SSX3: variants seen among roughly 807,000 people sequenced by gnomAD.
SSX3 encodes the protein SSX family member 3, also known as protein SSX3.
In SSX3, 6 loss-of-function variants were observed where a neutral mutation model predicts 14.8. The observed-to-expected ratio is 0.41, with a 90% CI of 0.22 to 0.80. The LOEUF is 0.80. Ranked by LOEUF, SSX3 falls within the 30% of genes least tolerant of loss-of-function variation. The probability of loss-of-function intolerance (pLI) is 0.34; values close to 1 mark genes in which losing one functional copy is unlikely to be tolerated. For missense variants in SSX3, 163 were observed against 152.2 expected (o/e 1.07, Z -0.37); for synonymous variants, 55 against 52.9 (o/e 1.04, Z -0.18).
chrX:48,347,760 T>A (rs1276128747), intron 6 of SSX3, among the ~76,000 whole-genome samples, 156 bp from the exon 7 acceptor site: 1 of 112,204 alleles, frequency 8.9e-6, no homozygotes, highest in Non-Finnish European at 1.9e-5. Context: ...GGCTGAGACC[T>A]TAGACCCACA....
chrX:48,354,740 C>G lies in SSX3; in HGVS notation c.76G>C (p.Asp26His). 1 of 1,195,474 alleles carries G rather than the reference C, an allele frequency of 8.4e-7. No homozygotes were observed. The highest frequency in any genetic ancestry group is 1.1e-6 in the Non-Finnish European group (1 of 889,380). The change falls in exon 3 of 8, where the codon GAT becomes CAT. Residue 26 changes from aspartate to histidine, a missense_variant. Transcript: ENST00000298396. ...QIPEKIQKAF[D>H]DIAKYFSKEE... ...TTAGAGAAGTATTTGGCAATATCAT[C>G]GAAGGCCTACAAAAAAAAAAAAAAG... is the stretch of plus-strand genomic sequence containing the variant.
rs374000291 is a variant in SSX3 at position 48,354,584 on chromosome X, G to A, written c.184+48C>T. On this transcript the variant is annotated intron_variant, in intron 3 of 7. Coordinates refer to ENST00000298396, the MANE Select transcript of SSX3 (RefSeq NM_021014.4). The stretch of plus-strand genomic sequence containing the variant: ...AAGAAATAGCCAAAGCAGGAAAAGG[G>A]ATGCTCATGTGTCCCCAGACTTGTC... The A allele has an allele frequency of 5.8e-5, 66 of 1,138,300 alleles. No individual in the cohort carries two copies. In the African/African-American group the frequency reaches 1.0e-3, roughly 18 times the overall value. 93.8% of individuals were successfully genotyped at this position (1,138,300 alleles called of 1,213,427 possible). A position where few individuals can be genotyped will look rare whatever the true frequency, so the allele number is the denominator to read the frequency against.
chrX:48,347,311 C>G (rs9887695), intron 7 of SSX3, among the ~76,000 whole-genome samples, 189 bp downstream of exon 7: 18,497 of 111,978 alleles, frequency 0.17, 1,337 homozygotes, highest in East Asian at 0.38. Context: ...GGGTAGGGAG[C>G]ATCCCTGGAT....
intron 4 of SSX3, among the ~76,000 whole-genome samples, chrX:48,352,921 A>C (rs2061269372): frequency 8.9e-6 from 1 of 111,909 alleles, no homozygotes; most frequent in Non-Finnish European, 1.9e-5. Context: ...TCACTCTTTC[A>C]AACTCTCTTT....
chrX:48,355,310 T>G (rs2061282043), intron 1 of SSX3, 41 bp from the exon 2 acceptor site: 1 of 1,148,574 alleles, frequency 8.7e-7, no homozygotes, highest in Non-Finnish European at 1.2e-6. Context: ...CCGCAGGACC[T>G]TTGGTCTTGT....
In SSX3 at chrX:48,354,690, G is replaced by C; in HGVS notation, c.126C>G (p.Val42=). Residue 42 remains valine, a synonymous_variant, in exon 3 of 8, where the codon GTC becomes GTG. Transcript: ENST00000298396. ...FSKEEWEKMK[V]SEKIVYVYMK... The stretch of plus-strand genomic sequence containing the variant: ...TATACACATAGACGATTTTCTCCGA[G>C]ACTTTCATCTTTTCCCACTCTTCCT... 8.3e-7 allele frequency: 1 copy of C among 1,206,945 alleles called. No homozygotes were observed. The highest frequency in any genetic ancestry group is 1.1e-6 in the Non-Finnish European group (1 of 893,327).
chrX:48,351,100 T>A (rs2061260981), intron 5 of SSX3, among the ~76,000 whole-genome samples: 1 of 111,561 alleles, frequency 9.0e-6, no homozygotes, highest in South Asian at 3.7e-4. Context: ...CTTCCTCCCT[T>A]ATGAAATAGT....
intron 5 of SSX3, among the ~76,000 whole-genome samples, chrX:48,350,352 G>A (rs782224960): frequency 2.4e-4 from 27 of 110,817 alleles, no homozygotes; most frequent in Non-Finnish European, 4.0e-4. Flanking sequence ...CACTCTTTTA[G>A]GACTCACATT....
chrX:48,349,191 A>G (rs1341447847), intron 6 of SSX3, among the ~76,000 whole-genome samples: 1 of 112,186 alleles, frequency 8.9e-6, no homozygotes, highest in Non-Finnish European at 1.9e-5. Context: ...ATGCTATCCA[A>G]TAGCATCACA....
chrX:48,350,933 A>G (rs2061260060), intron 5 of SSX3, among the ~76,000 whole-genome samples: 1 of 108,805 alleles, frequency 9.2e-6, no homozygotes, highest in Non-Finnish European at 1.9e-5. Flanking sequence ...ACCACGCCCC[A>G]CTAAGTTTTG....
chrX:48,355,986 G>A (rs1201201624), intron 1 of SSX3, among the ~76,000 whole-genome samples: 4 of 110,726 alleles, frequency 3.6e-5, no homozygotes, highest in African/African-American at 1.3e-4. Context: ...AGACCCGGCT[G>A]GGAAACACAG....
At chrX:48,347,667 A>C in intron 6 of SSX3, 63 bp from the exon 7 acceptor site, 1 of 1,205,532 alleles carries the variant, frequency 8.3e-7, no homozygotes, top group Non-Finnish European at 1.1e-6. Flanking sequence ...GGCTCTGTTT[A>C]CTCAAAAAAA....
chrX:48,354,856 C>A, intron 2 of SSX3, 110 bp from the exon 3 acceptor site: 4 of 1,197,392 alleles, frequency 3.3e-6, no homozygotes, highest in Non-Finnish European at 4.5e-6. Context: ...ATAATCCTTC[C>A]TGGTTGATGC....
intron 4 of SSX3, among the ~76,000 whole-genome samples, chrX:48,353,740 T>C (rs782620613): frequency 2.7e-5 from 3 of 112,161 alleles, no homozygotes; most frequent in African/African-American, 9.7e-5. Context: ...TCACCTTAGT[T>C]TGATGGCTTT....
chrX:48,355,642 C>A (rs1556950879), intron 1 of SSX3, among the ~76,000 whole-genome samples: 1 of 110,782 alleles, frequency 9.0e-6, no homozygotes, highest in East Asian at 2.8e-4. Flanking sequence ...TGCTGACACC[C>A]CCGCTCAATA....
chrX:48,353,999 C>G lies in SSX3; in HGVS notation c.280G>C (p.Val94Leu). The G allele has an allele frequency of 8.3e-7, 1 of 1,207,534 alleles. No homozygotes were observed. The highest frequency in any genetic ancestry group is 1.1e-6 in the Non-Finnish European group (1 of 892,326). ...TTCCAGCCCCTTCCCATCTACTCACCCTGATTCCCACGGTTAGGGTCATTA... is the reference window on the plus strand; with the variant it reads ...TTCCAGCCCCTTCCCATCTACTCACGCTGATTCCCACGGTTAGGGTCATTA... ...FDNDPNRGNQVQRPQMTFGRL... is the reference protein window; with the variant it reads ...FDNDPNRGNQLQRPQMTFGRL... The change falls in exon 4 of 8, where the codon GTT becomes CTT. Residue 94 changes from valine to leucine, a missense_variant and splice_region_variant. Physicochemically the swap from Val to Leu is conservative, Grantham distance 32. Coordinates refer to ENST00000298396, the MANE Select transcript of SSX3 (RefSeq NM_021014.4).
In SSX3 at chrX:48,346,849, A is replaced by T; in HGVS notation, c.*191T>A. ...TAACAGAATGACACACTTCAAGAAA[A>T]TACAATGGAAACGCTAATATCGTAC... On this transcript the variant is annotated 3_prime_UTR_variant, in exon 8 of 8. Transcript: ENST00000298396. 1 of 734,510 alleles carries T rather than the reference A, an allele frequency of 1.4e-6. No homozygotes were observed. The highest frequency in any genetic ancestry group is 2.0e-6 in the Non-Finnish European group (1 of 491,191). The allele number at this position is 734,510 out of a possible 1,213,427, so 60.5% of individuals were successfully genotyped here. A position where few individuals can be genotyped will look rare whatever the true frequency, so the allele number is the denominator to read the frequency against.
intron 7 of SSX3, among the ~76,000 whole-genome samples, 181 bp from the exon 8 acceptor site, chrX:48,347,216 C>G (rs1262208311): frequency 2.7e-5 from 3 of 112,440 alleles, no homozygotes; most frequent in Non-Finnish European, 5.6e-5. Context: ...GTGACTTCCT[C>G]GCCTGGGCTA....
intron 6 of SSX3, chrX:48,348,494 A>T: frequency 2.0e-6 from 1 of 506,165 alleles, no homozygotes; most frequent in East Asian, 3.7e-5. Context: ...CAACCTTACA[A>T]TGGCCGTTAA....
Sources: gnomAD v4.1 joint callset for allele counts (sites outside exome capture counted in the v4.1 genomes callset) on GRCh38, gnomAD v4.1.1 for gene constraint, MANE v1.5 for transcripts, NCBI Gene and HGNC (gene_info 2026-07-23, HGNC 2026-07-21) for gene names.